The following SGCZ variants were observed in gnomAD, a reference collection of about 807,000 sequenced individuals.
The protein encoded by SGCZ is zeta-sarcoglycan.
SGCZ carries 40 observed loss-of-function variants against 41.3 expected under a neutral mutation model. That is an observed-to-expected ratio of 0.97 (90% CI 0.75 to 1.26). The LOEUF (loss-of-function observed/expected upper bound fraction) is 1.26, where lower values mean the gene tolerates loss of function less well. Ranked by LOEUF, SGCZ falls within the 50% of genes most tolerant of loss-of-function variation. The probability of loss-of-function intolerance (pLI) is 0.00; values close to 1 mark genes in which losing one functional copy is unlikely to be tolerated. For missense variants in SGCZ, 552 were observed against 369.8 expected (o/e 1.49, Z -4.04); for synonymous variants, 206 against 137.5 (o/e 1.50, Z -3.49).
At chr8:14,333,427 C>G (rs1802405283) in intron 2 of SGCZ, among the ~76,000 whole-genome samples, 1 of 151,984 alleles carries the variant, frequency 6.6e-6, no homozygotes, top group African/African-American at 2.4e-5. Flanking sequence ...ATATGTTAAT[C>G]TTTTAACAAG....
chr8:14,360,301 T>C (rs1166685292), intron 2 of SGCZ, among the ~76,000 whole-genome samples: 1 of 152,094 alleles, frequency 6.6e-6, no homozygotes, highest in Admixed American at 6.5e-5. Context: ...GCATCCAAAT[T>C]GGAAACCAAT....
At chr8:14,343,326 T>G (rs1472916385) in intron 2 of SGCZ, among the ~76,000 whole-genome samples, 1 of 152,074 alleles carries the variant, frequency 6.6e-6, no homozygotes, top group Non-Finnish European at 1.5e-5. Context: ...AGACCCAGAA[T>G]GGTAGATCCA....
At chr8:15,196,935 C>A (rs577372169) in intron 1 of SGCZ, among the ~76,000 whole-genome samples, 1 of 152,280 alleles carries the variant, frequency 6.6e-6, no homozygotes, top group South Asian at 2.1e-4. Flanking sequence ...CTTCATGTGA[C>A]CTCTCATTCT....
At chr8:14,384,616 A>G (rs999367233) in intron 2 of SGCZ, among the ~76,000 whole-genome samples, 1 of 152,084 alleles carries the variant, frequency 6.6e-6, no homozygotes, top group African/African-American at 2.4e-5. Context: ...CTGGAGTGCA[A>G]TGGCACCATC....
At chr8:15,181,825 GTTATAT>G (rs1232731901) in intron 1 of SGCZ, among the ~76,000 whole-genome samples, 1 of 152,134 alleles carries the variant, frequency 6.6e-6, no homozygotes, top group East Asian at 1.9e-4. Context: ...AAGGTGAAGT[GTTATAT>G]TTAGATTTAG....
At chr8:14,511,337 AT>A (rs1802463280) in intron 2 of SGCZ, among the ~76,000 whole-genome samples, 1 of 151,896 alleles carries the variant, frequency 6.6e-6, no homozygotes, top group African/African-American at 2.4e-5. Context: ...GGATTGGGAG[AT>A]TTTACTTTTA....
intron 1 of SGCZ, among the ~76,000 whole-genome samples, chr8:14,568,444 G>GAAA (rs386360409): frequency 0.013 from 1,629 of 127,756 alleles, 32 homozygotes; most frequent in Middle Eastern, 0.05. Flanking sequence ...TACATTATCA[G>GAAA]AAAAAAAAAA....
chr8:14,317,370 T>C (rs1370939550), intron 3 of SGCZ, among the ~76,000 whole-genome samples: 5 of 151,870 alleles, frequency 3.3e-5, no homozygotes, highest in Non-Finnish European at 7.4e-5. Context: ...AGTGCCAAGA[T>C]TTGAAACCAG....
At chr8:14,183,500 A>T (rs1264655291) in intron 4 of SGCZ, among the ~76,000 whole-genome samples, 1 of 152,230 alleles carries the variant, frequency 6.6e-6, no homozygotes, top group African/African-American at 2.4e-5. Context: ...TCCTATGCAC[A>T]GTATCTGCAC....
chr8:15,137,954 C>A (rs562378349), intron 1 of SGCZ, among the ~76,000 whole-genome samples: 60 of 152,222 alleles, frequency 3.9e-4, no homozygotes, highest in African/African-American at 1.3e-3. Context: ...GCACTGTGTG[C>A]CTGGAAATGC....
intron 1 of SGCZ, among the ~76,000 whole-genome samples, chr8:14,595,192 C>G (rs1328981323): frequency 6.6e-6 from 1 of 152,106 alleles, no homozygotes; most frequent in African/African-American, 2.4e-5. Context: ...TCCTGGAGAA[C>G]CACTGTCATC....
At chr8:14,537,248 G>T (rs1803324308) in intron 2 of SGCZ, among the ~76,000 whole-genome samples, 1 of 151,824 alleles carries the variant, frequency 6.6e-6, no homozygotes, top group South Asian at 2.1e-4. Flanking sequence ...GAGCACACAT[G>T]AACTGCATTT....
intron 5 of SGCZ, among the ~76,000 whole-genome samples, chr8:14,164,181 A>G (rs988115489): frequency 1.3e-5 from 2 of 152,172 alleles, no homozygotes; most frequent in Admixed American, 6.5e-5. Flanking sequence ...TACTTTTATT[A>G]TAACTTCCCC....
chr8:14,592,272 C>T (rs982130841), intron 1 of SGCZ, among the ~76,000 whole-genome samples: 1 of 152,028 alleles, frequency 6.6e-6, no homozygotes, highest in Non-Finnish European at 1.5e-5. Flanking sequence ...CCAAATAAAT[C>T]TTCAACAATG....
chr8:15,108,558 G>C (rs1362803961), intron 1 of SGCZ, among the ~76,000 whole-genome samples: 1 of 152,058 alleles, frequency 6.6e-6, no homozygotes, highest in Non-Finnish European at 1.5e-5. Flanking sequence ...GGTAAGAAAG[G>C]GTTTTCAATA....
chr8:15,036,393 G>A (rs1457001311), intron 1 of SGCZ, among the ~76,000 whole-genome samples: 1 of 151,978 alleles, frequency 6.6e-6, no homozygotes, highest in African/African-American at 2.4e-5. Context: ...ACACACAGTG[G>A]GGCCTATTGG....
chr8:15,111,079 T>A (rs1371731649), intron 1 of SGCZ, among the ~76,000 whole-genome samples: 3 of 152,160 alleles, frequency 2.0e-5, no homozygotes, highest in Admixed American at 6.5e-5. Context: ...TAAGGCCAAT[T>A]CACGCTTATT....
chr8:14,384,740 G>A (rs541317502), intron 2 of SGCZ, among the ~76,000 whole-genome samples: 2 of 152,162 alleles, frequency 1.3e-5, no homozygotes, highest in African/African-American at 2.4e-5. Flanking sequence ...TTGTAGAGAC[G>A]AGGTTTTGCC....
intron 1 of SGCZ, among the ~76,000 whole-genome samples, chr8:14,984,727 T>G (rs1162263179): frequency 1.3e-5 from 2 of 152,212 alleles, no homozygotes; most frequent in African/African-American, 4.8e-5. Context: ...GGTTTCTAAT[T>G]TATGTAATGT....
Sources: gnomAD v4.1 joint callset for allele counts (sites outside exome capture counted in the v4.1 genomes callset) on GRCh38, gnomAD v4.1.1 for gene constraint, MANE v1.5 for transcripts, NCBI Gene and HGNC (gene_info 2026-07-23, HGNC 2026-07-21) for gene names.